C7orf78: variants seen among roughly 807,000 people sequenced by gnomAD.
C7orf78 encodes the protein chromosome 7 open reading frame 78.
chr7:12,508,203 C>G, the C7orf78 span, among the ~76,000 whole-genome samples: 2 of 152,060 alleles, frequency 1.3e-5, no homozygotes, highest in African/African-American at 4.8e-5. Flanking sequence ...TTGTGACTTC[C>G]CTGCAGACAA....
the C7orf78 span, among the ~76,000 whole-genome samples, chr7:12,515,878 A>G: frequency 6.6e-6 from 1 of 152,206 alleles, no homozygotes; most frequent in African/African-American, 2.4e-5. Flanking sequence ...AGCATTTAAG[A>G]TGTGACTTCG....
chr7:12,506,743 A>T, the C7orf78 span: 24 of 302,552 alleles, frequency 7.9e-5, no homozygotes, highest in Non-Finnish European at 1.3e-4. Flanking sequence ...ATACGTATGT[A>T]ACAAACCTGC....
At chr7:12,532,535 T>G in the C7orf78 span, among the ~76,000 whole-genome samples, 2 of 141,232 alleles carry the variant, frequency 1.4e-5, no homozygotes, top group African/African-American at 2.6e-5. Context: ...GATGACAGAG[T>G]GAGACTCTGT....
At chr7:12,534,773 G>C in the C7orf78 span, among the ~76,000 whole-genome samples, 1 of 152,170 alleles carries the variant, frequency 6.6e-6, no homozygotes, top group African/African-American at 2.4e-5. Flanking sequence ...GACAACATTA[G>C]GAAATCCTGT....
the C7orf78 span, among the ~76,000 whole-genome samples, chr7:12,525,124 C>T: frequency 1.3e-5 from 2 of 151,796 alleles, no homozygotes; most frequent in East Asian, 3.8e-4. Flanking sequence ...TTGTTCTATA[C>T]GCTTGTGGCA....
the C7orf78 span, among the ~76,000 whole-genome samples, chr7:12,499,243 T>G: frequency 1.3e-5 from 2 of 151,318 alleles, no homozygotes; most frequent in Non-Finnish European, 3.0e-5. Context: ...ACTATTAACT[T>G]TAAATGTAAA....
At chr7:12,532,357 G>A in the C7orf78 span, among the ~76,000 whole-genome samples, 2 of 151,858 alleles carry the variant, frequency 1.3e-5, no homozygotes, top group Admixed American at 1.3e-4. Flanking sequence ...AGACCAGCCT[G>A]ACCAACATGG....
the C7orf78 span, among the ~76,000 whole-genome samples, chr7:12,493,309 A>C: frequency 6.6e-6 from 1 of 152,234 alleles, no homozygotes; most frequent in African/African-American, 2.4e-5. Context: ...TGCTGGGATG[A>C]GGAAAAAAAC....
chr7:12,513,844 C>A, the C7orf78 span, among the ~76,000 whole-genome samples: 1 of 151,742 alleles, frequency 6.6e-6, no homozygotes, highest in African/African-American at 2.4e-5. Context: ...ACTAAAAATA[C>A]AAAAAATTAG....
chr7:12,502,553 G>C, the C7orf78 span, among the ~76,000 whole-genome samples: 10 of 149,874 alleles, frequency 6.7e-5, no homozygotes, highest in Non-Finnish European at 1.3e-4. Flanking sequence ...ACACCAGTTA[G>C]AATGGCAATC....
chr7:12,539,333 A>T, the C7orf78 span, among the ~76,000 whole-genome samples: 5 of 152,192 alleles, frequency 3.3e-5, no homozygotes, highest in African/African-American at 2.4e-5. Flanking sequence ...GCGTGGTGGC[A>T]CGCACCTGTA....
the C7orf78 span, chr7:12,506,788 A>G: frequency 2.0e-5 from 7 of 349,360 alleles, no homozygotes; most frequent in South Asian, 1.6e-4. Flanking sequence ...CTTAAAGTAT[A>G]AAATAAAAAG....
chr7:12,503,098 G>T, the C7orf78 span, among the ~76,000 whole-genome samples: 2 of 139,632 alleles, frequency 1.4e-5, no homozygotes, highest in East Asian at 4.1e-4. Flanking sequence ...TGGGGGTAGG[G>T]GGGAGGGATA....
chr7:12,532,118 A>G, the C7orf78 span, among the ~76,000 whole-genome samples: 1 of 152,152 alleles, frequency 6.6e-6, no homozygotes, highest in Non-Finnish European at 1.5e-5. Context: ...GCCATTTTGA[A>G]CATGCCTGGT....
the C7orf78 span, among the ~76,000 whole-genome samples, chr7:12,519,014 G>A: frequency 1.3e-5 from 2 of 152,224 alleles, no homozygotes; most frequent in East Asian, 3.9e-4. Context: ...TTGGCACAGG[G>A]AGTCTCCAGT....
chr7:12,503,018 G>A, the C7orf78 span, among the ~76,000 whole-genome samples: 3 of 145,786 alleles, frequency 2.1e-5, no homozygotes, highest in African/African-American at 7.8e-5. Flanking sequence ...TCACTCATAG[G>A]TGGGAATTGA....
At chr7:12,500,847 C>A in the C7orf78 span, among the ~76,000 whole-genome samples, 1 of 147,806 alleles carries the variant, frequency 6.8e-6, no homozygotes, top group Non-Finnish European at 1.5e-5. Context: ...TACTGGCAAA[C>A]TGAATCCAGC....
the C7orf78 span, among the ~76,000 whole-genome samples, chr7:12,495,787 C>G: frequency 6.6e-6 from 1 of 152,060 alleles, no homozygotes; most frequent in African/African-American, 2.4e-5. Flanking sequence ...TCCATTTATA[C>G]AAACATATGT....
the C7orf78 span, chr7:12,541,965 T>A: frequency 6.6e-6 from 1 of 152,202 alleles, no homozygotes; most frequent in African/African-American, 2.4e-5. Flanking sequence ...TCTTTTAACA[T>A]GTTAAAATAA....
Sources: allele counts gnomAD v4.1 joint callset (sites outside exome capture counted in the v4.1 genomes callset), GRCh38; gene constraint gnomAD v4.1.1; transcripts MANE v1.5; gene names NCBI Gene and HGNC (gene_info 2026-07-23, HGNC 2026-07-21).